The following CFTR variants were observed in gnomAD, a reference collection of about 807,000 sequenced individuals.
CFTR encodes the protein cystic fibrosis transmembrane conductance regulator.
CFTR carries 181 observed loss-of-function variants against 171.6 expected under a neutral mutation model. The ratio of observed to expected loss-of-function variants is 1.05; its 90% CI spans 0.93 to 1.19. The LOEUF (loss-of-function observed/expected upper bound fraction) is 1.19, where lower values mean the gene tolerates loss of function less well. Among genes scored for constraint, CFTR ranks in the 50% most tolerant of loss-of-function variants. CFTR has a pLI of 0.00. For synonymous variants in CFTR, 583 were observed against 608.0 expected (o/e 0.96, Z 0.60); for missense variants, 1,968 against 1,734.7 (o/e 1.13, Z -2.39).
chr7:117,643,690 T>C (rs1043805237), intron 23 of CFTR, among the ~76,000 whole-genome samples: 1 of 152,108 alleles, frequency 6.6e-6, no homozygotes, highest in Non-Finnish European at 1.5e-5. Context: ...AATACAAGTA[T>C]CCCAAGGTGA....
At chr7:117,551,998 A>C (rs1040465815) in intron 10 of CFTR, among the ~76,000 whole-genome samples, 1 of 152,164 alleles carries the variant, frequency 6.6e-6, no homozygotes, top group Non-Finnish European at 1.5e-5. Context: ...TACAGAATAC[A>C]TGTCTGCAAA....
At chr7:117,597,831 G>A (rs986112418) in intron 15 of CFTR, among the ~76,000 whole-genome samples, 5 of 151,086 alleles carry the variant, frequency 3.3e-5, no homozygotes, top group African/African-American at 7.3e-5. Context: ...AAAAAGGGGC[G>A]GGGGGGCAGA....
chr7:117,590,213 T>C, intron 12 of CFTR, 140 bp from the exon 13 acceptor site: 1 of 957,768 alleles, frequency 1.0e-6, no homozygotes, highest in Non-Finnish European at 1.5e-6. Context: ...CTGCACCACT[T>C]TTGAGAATAG....
At chr7:117,524,251 G>A (rs1798733104) in intron 3 of CFTR, among the ~76,000 whole-genome samples, 1 of 152,054 alleles carries the variant, frequency 6.6e-6, no homozygotes, top group Admixed American at 6.6e-5. Context: ...TGCTTTGTCT[G>A]GTATGCATGG....
rs1195692839 is a variant in CFTR at position 117,611,823 on chromosome 7, T to C, written c.3367+15T>C. ...TTTAACAACAGGTACTATGAACTCA[T>C]TAACTTTAGCTAAGCATTTAAGTAA... On this transcript the variant is annotated intron_variant, in intron 20 of 26. Transcript: ENST00000003084. 1 of 1,574,794 alleles carries C rather than the reference T, an allele frequency of 6.4e-7. No individual in the cohort carries two copies. The highest frequency in any genetic ancestry group is 2.2e-5 in the East Asian group (1 of 44,648).
intron 22 of CFTR, among the ~76,000 whole-genome samples, chr7:117,640,211 C>T (rs1020893460): frequency 1.3e-5 from 2 of 152,046 alleles, no homozygotes; most frequent in African/African-American, 2.4e-5. Context: ...AAACAAATCC[C>T]GGAAACTAAT....
At chr7:117,607,824 T>C (rs1163124159) in intron 18 of CFTR, among the ~76,000 whole-genome samples, 1 of 152,210 alleles carries the variant, frequency 6.6e-6, no homozygotes, top group Non-Finnish European at 1.5e-5. Flanking sequence ...AACTTTGGCA[T>C]TTTGGATATC....
chr7:117,586,211 C>A (rs1791930461), intron 11 of CFTR: 1 of 152,112 alleles, frequency 6.6e-6, no homozygotes, highest in Non-Finnish European at 1.5e-5. Flanking sequence ...ATGAGTTGAA[C>A]AAAAGCATGC....
intron 9 of CFTR, among the ~76,000 whole-genome samples, chr7:117,548,382 G>A (rs999441149): frequency 1.4e-5 from 2 of 146,018 alleles, no homozygotes; most frequent in Admixed American, 6.8e-5. Context: ...ATGTATACAT[G>A]TATGTATTCA....
chr7:117,617,403 AC>A (rs1792507865), intron 21 of CFTR, among the ~76,000 whole-genome samples: 1 of 151,888 alleles, frequency 6.6e-6, no homozygotes, highest in South Asian at 2.1e-4. Flanking sequence ...GTTTATGATC[AC>A]ATATCTCAAA....
chr7:117,490,564 G>T (rs1798145503), intron 1 of CFTR, among the ~76,000 whole-genome samples: 1 of 151,938 alleles, frequency 6.6e-6, no homozygotes, highest in African/African-American at 2.4e-5. Context: ...ACCTTTATTA[G>T]TGAGGGCAAT....
At chr7:117,513,320 C>T (rs1798550112) in intron 3 of CFTR, among the ~76,000 whole-genome samples, 1 of 151,194 alleles carries the variant, frequency 6.6e-6, no homozygotes, top group African/African-American at 2.4e-5. Flanking sequence ...ACTTGGGTAG[C>T]AAAGGGGGTC....
chr7:117,610,073 C>A (rs994687720), intron 18 of CFTR, among the ~76,000 whole-genome samples: 4 of 151,590 alleles, frequency 2.6e-5, no homozygotes, highest in African/African-American at 9.7e-5. Context: ...ATGATGAGTT[C>A]ATGTCCTTTG....
chr7:117,648,367 T>G (rs1793030153), intron 23 of CFTR, among the ~76,000 whole-genome samples: 1 of 152,044 alleles, frequency 6.6e-6, no homozygotes, highest in East Asian at 1.9e-4. Flanking sequence ...TGAGCAACCC[T>G]GAGAACTCAA....
intron 22 of CFTR, among the ~76,000 whole-genome samples, chr7:117,636,651 T>C (rs548674086): frequency 1.3e-5 from 2 of 152,236 alleles, no homozygotes; most frequent in East Asian, 3.9e-4. Flanking sequence ...AGATTCTTTC[T>C]TCAGCTGTGT....
chr7:117,484,414 G>A (rs1798041234), intron 1 of CFTR, among the ~76,000 whole-genome samples: 1 of 152,108 alleles, frequency 6.6e-6, no homozygotes, highest in Non-Finnish European at 1.5e-5. Flanking sequence ...TTCTCTCTTG[G>A]CTTTACATCC....
At chr7:117,517,091 AAC>A (rs1349003726) in intron 3 of CFTR, among the ~76,000 whole-genome samples, 1 of 152,184 alleles carries the variant, frequency 6.6e-6, no homozygotes, top group African/African-American at 2.4e-5. Context: ...GTGAACAGGC[AAC>A]TTACGGAATG....
chr7:117,633,420 T>C (rs1792780859), intron 22 of CFTR, among the ~76,000 whole-genome samples: 2 of 152,128 alleles, frequency 1.3e-5, no homozygotes, highest in Admixed American at 1.3e-4. Context: ...GTCAATTATT[T>C]TGAATCTTCT....
In CFTR at chr7:117,542,121, A is replaced by G. The variant is rs772186875; in HGVS notation, c.1209+13A>G. ...CTTCTGGGAGGAGGTCAGAATTTTT[A>G]AAAAATTGTTTGCTCTAAACACCTA... On this transcript the variant is annotated intron_variant, in intron 9 of 26. Coordinates refer to ENST00000003084, the MANE Select transcript of CFTR (RefSeq NM_000492.4). 1 of 1,409,886 alleles carries G rather than the reference A, an allele frequency of 7.1e-7. No individual in the cohort carries two copies. The highest frequency in any genetic ancestry group is 1.0e-6 in the Non-Finnish European group (1 of 994,250). The allele number at this position is 1,409,886 out of a possible 1,614,324, so 87.3% of individuals were successfully genotyped here. A position where few individuals can be genotyped will look rare whatever the true frequency, so the allele number is the denominator to read the frequency against.
Sources: allele counts gnomAD v4.1 joint callset (sites outside exome capture counted in the v4.1 genomes callset), GRCh38; gene constraint gnomAD v4.1.1; transcripts MANE v1.5; gene names NCBI Gene and HGNC (gene_info 2026-07-23, HGNC 2026-07-21).